Variants in KCNJ6 observed in about 807,000 individuals in gnomAD.
The protein encoded by KCNJ6 is potassium inwardly rectifying channel subfamily J member 6, also known as G protein-activated inward rectifier potassium channel 2.
Under a neutral mutation model 34.2 loss-of-function variants are expected in KCNJ6, and 9 were observed. The observed-to-expected ratio is 0.26, with a 90% CI of 0.16 to 0.46. The LOEUF is 0.46. KCNJ6 is among the 20% of genes least tolerant of loss of function. KCNJ6 has a pLI of 1.00. For synonymous variants in KCNJ6, 196 were observed against 207.1 expected, an observed-to-expected ratio of 0.95 and a Z score of 0.46; for missense variants, 236 against 531.3, an observed-to-expected ratio of 0.44 and a Z score of 5.46.
chr21:37,787,274 G>T (rs2055197140), intron 2 of KCNJ6, among the ~76,000 whole-genome samples: 1 of 152,184 alleles, frequency 6.6e-6, no homozygotes, highest in African/African-American at 2.4e-5. Flanking sequence ...TTCTTAGGAA[G>T]AGCTGAGACT....
intron 3 of KCNJ6, among the ~76,000 whole-genome samples, chr21:37,668,568 G>C (rs922367717): frequency 1.3e-5 from 2 of 152,162 alleles, no homozygotes; most frequent in African/African-American, 2.4e-5. Context: ...GCTGAGGTAT[G>C]GGGGGTTAGG....
chr21:37,845,095 A>G (rs1374050070), intron 1 of KCNJ6, among the ~76,000 whole-genome samples: 1 of 152,178 alleles, frequency 6.6e-6, no homozygotes, highest in Non-Finnish European at 1.5e-5. Context: ...CTCCCGCGGA[A>G]GTCAGCAACA....
chr21:37,782,247 C>A (rs181231280), intron 2 of KCNJ6, among the ~76,000 whole-genome samples: 1 of 152,222 alleles, frequency 6.6e-6, no homozygotes, highest in Admixed American at 6.5e-5. Flanking sequence ...CTGAGAAACC[C>A]CAGAAGGAAT....
chr21:37,854,434 A>G (rs2055554364), intron 1 of KCNJ6, among the ~76,000 whole-genome samples: 2 of 152,202 alleles, frequency 1.3e-5, no homozygotes, highest in Admixed American at 1.3e-4. Flanking sequence ...CTCATACTTG[A>G]GAGCTAAAAA....
At chr21:37,889,496 C>T (rs559517845) in intron 1 of KCNJ6, among the ~76,000 whole-genome samples, 15 of 152,190 alleles carry the variant, frequency 9.9e-5, no homozygotes, top group South Asian at 4.2e-4. Context: ...TTGCCCAGGG[C>T]CGGCTGACCC....
intron 2 of KCNJ6, among the ~76,000 whole-genome samples, chr21:37,732,600 C>T (rs759560213): frequency 2.0e-5 from 3 of 152,124 alleles, no homozygotes; most frequent in African/African-American, 4.8e-5. Flanking sequence ...GGGGCAAGAC[C>T]GATTTGGATT....
chr21:37,609,611 C>G lies in KCNJ6; in HGVS notation c.*15548G>C, dbSNP rs576134399. 3 of 152,210 alleles carry G rather than the reference C, an allele frequency of 2.0e-5. No homozygotes were observed. The East Asian group carries it at 5.8e-4, about 29-fold the overall frequency. 9.4% of individuals were successfully genotyped at this position (152,210 alleles called of 1,614,324 possible). ...AATAATGAAAAGTGGCCACTATTTT[C>G]CATTACTGGTATATAACTAAAATAA... On this transcript the variant is annotated 3_prime_UTR_variant, in exon 4 of 4. Transcript: ENST00000609713.
chr21:37,621,223 G>C lies in KCNJ6; in HGVS notation c.*3936C>G, dbSNP rs2054288865. 1 of 152,174 alleles carries C rather than the reference G, an allele frequency of 6.6e-6. No homozygotes were observed. The highest frequency in any genetic ancestry group is 6.6e-5 in the Admixed American group (1 of 15,256). 9.4% of individuals were successfully genotyped at this position (152,174 alleles called of 1,614,324 possible). ...CACCCAAGTCAAGGAAAGAAAGACT[G>C]AAGAGTAGCCAGACTATTAGCAAAC... On this transcript the variant is annotated 3_prime_UTR_variant, in exon 4 of 4. Transcript: ENST00000609713.
At position 37,611,557 on chromosome 21, in the gene KCNJ6, T is replaced by C. The variant is rs2054242655; in HGVS notation, c.*13602A>G. 1 of 152,160 alleles carries C rather than the reference T, an allele frequency of 6.6e-6. No individual in the cohort carries two copies. The highest frequency in any genetic ancestry group is 1.5e-5 in the Non-Finnish European group (1 of 68,032). 9.4% of individuals were successfully genotyped at this position (152,160 alleles called of 1,614,324 possible). On this transcript the variant is annotated 3_prime_UTR_variant, in exon 4 of 4. Transcript: ENST00000609713. ...ACATTACAAGAAAACTACAGACCAA[T>C]ACCTGTCATAAGCATAGATGCAGAA... is the stretch of plus-strand genomic sequence containing the variant.
intron 1 of KCNJ6, among the ~76,000 whole-genome samples, chr21:37,905,688 C>A (rs2055838225): frequency 6.6e-6 from 1 of 152,212 alleles, no homozygotes; most frequent in South Asian, 2.1e-4. Context: ...TAATGCTATG[C>A]TTCTTTGTGT....
In KCNJ6 at chr21:37,617,266, T is replaced by C. The variant is rs1486717735; in HGVS notation, c.*7893A>G. On this transcript the variant is annotated 3_prime_UTR_variant, in exon 4 of 4. Coordinates refer to ENST00000609713, the MANE Select transcript of KCNJ6 (RefSeq NM_002240.5). ...CTGAGTCTCGCTCCGTGGCCCAGGC[T>C]GGAGTGCAGTGGCATGATCTCAGCT... 1 of 150,948 alleles carries C rather than the reference T, an allele frequency of 6.6e-6. No homozygotes were observed. Among genetic ancestry groups the C allele is most frequent in the East Asian group, 1.9e-4 (1 of 5,134 alleles). 9.4% of individuals were successfully genotyped at this position (150,948 alleles called of 1,614,324 possible).
intron 3 of KCNJ6, among the ~76,000 whole-genome samples, chr21:37,661,562 A>G (rs1461337535): frequency 6.6e-6 from 1 of 150,896 alleles, no homozygotes; most frequent in Non-Finnish European, 1.5e-5. Flanking sequence ...ATATTAATCT[A>G]TAGCTACATG....
rs1023526265 is a variant in KCNJ6, at chr21:37,675,160, G to A, written c.946+39051C>T. ...CCATGAGCTTTCTTTTATTTAATGT[G>A]ATATTCCCAGCGTCTGGCAATGTAG... On this transcript the variant is annotated intron_variant, in intron 3 of 3. Transcript: ENST00000609713. This position sits in a 1 kb window ranked among gnomAD's most constrained non-coding sequence, Gnocchi z 4.2. Among the ~76,000 whole-genome samples, 1 of 152,166 alleles carries A rather than the reference G, an allele frequency of 6.6e-6. No homozygotes were observed. Among genetic ancestry groups the A allele is most frequent in the Admixed American group, 6.5e-5 (1 of 15,280 alleles).
intron 1 of KCNJ6, among the ~76,000 whole-genome samples, chr21:37,865,963 TCAA>T (rs2055620584): frequency 9.8e-6 from 1 of 101,928 alleles, no homozygotes; most frequent in Non-Finnish European, 2.2e-5. Context: ...AAACCAAATT[TCAA>T]CAAATTAAAA....
chr21:37,647,338 T>C (rs2054410070), intron 3 of KCNJ6, among the ~76,000 whole-genome samples: 2 of 151,938 alleles, frequency 1.3e-5, no homozygotes, highest in Middle Eastern at 3.4e-3. Flanking sequence ...ATGAGTAGGG[T>C]CGGGATGGAG....
intron 2 of KCNJ6, among the ~76,000 whole-genome samples, chr21:37,768,053 A>C (rs2123501116): frequency 6.6e-6 from 1 of 152,132 alleles, no homozygotes; most frequent in Non-Finnish European, 1.5e-5. Flanking sequence ...AAAATTTTTA[A>C]ATTAAAATAC....
intron 2 of KCNJ6, among the ~76,000 whole-genome samples, chr21:37,777,984 T>C (rs2055150234): frequency 6.6e-6 from 1 of 152,154 alleles, no homozygotes; most frequent in Non-Finnish European, 1.5e-5. Context: ...CCTGGGAGTG[T>C]TGCCTGTTCT....
chr21:37,758,038 T>A (rs922279288), intron 2 of KCNJ6, among the ~76,000 whole-genome samples: 103 of 152,186 alleles, frequency 6.8e-4, no homozygotes, highest in African/African-American at 2.3e-3. Context: ...GTTGAGGGTG[T>A]GGGGATGGTG....
chr21:37,722,982 C>T (rs990499908), intron 2 of KCNJ6, among the ~76,000 whole-genome samples: 2 of 152,140 alleles, frequency 1.3e-5, no homozygotes, highest in African/African-American at 4.8e-5. Context: ...AACAAACTAT[C>T]AACAGGGTAA....
Sources: gnomAD v4.1 joint callset for allele counts (sites outside exome capture counted in the v4.1 genomes callset) on GRCh38, gnomAD v4.1.1 for gene constraint, Gnocchi (gnomAD v3.1) non-coding constraint, MANE v1.5 for transcripts, NCBI Gene and HGNC (gene_info 2026-07-23, HGNC 2026-07-21) for gene names.